The following NNT variants were observed in gnomAD, a reference collection of about 807,000 sequenced individuals.
NNT encodes NAD(P) transhydrogenase, mitochondrial.
In NNT, 50 loss-of-function variants were observed where a neutral mutation model predicts 104.8. That is an observed-to-expected ratio of 0.48 (90% CI 0.38 to 0.60). The LOEUF (loss-of-function observed/expected upper bound fraction) is 0.60, where lower values mean the gene tolerates loss of function less well. NNT is among the 20% of genes least tolerant of loss of function. The pLI, the probability that NNT is intolerant of heterozygous loss-of-function variation, is 0.00. For missense variants in NNT, 1,131 were observed against 1,330.7 expected (o/e 0.85, Z 2.33); for synonymous variants, 461 against 490.4 (o/e 0.94, Z 0.79).
At position 43,704,269 on chromosome 5, in the gene NNT, G is replaced by A. The variant is rs1406672551; in HGVS notation, c.3126G>A (p.Lys1042=). 7 of 1,580,826 alleles carry A rather than the reference G, an allele frequency of 4.4e-6. No homozygotes were observed. In the South Asian group the frequency reaches 8.2e-5, roughly 18 times the overall value. Residue 1042 remains lysine, a synonymous_variant, in exon 22 of 22, where the codon AAG becomes AAA. Transcript: ENST00000344920. The part of the protein sequence containing the change: ...VWKSKQVIVM[K]RSLGVGYAAV... Reference sequence around the variant, plus strand: ...CTGGTTCTCAGGTGATTGTTATGAAGAGGTCTTTGGGTGTTGGCTATGCTG... The same window carrying A: ...CTGGTTCTCAGGTGATTGTTATGAAAAGGTCTTTGGGTGTTGGCTATGCTG...
intron 17 of NNT, among the ~76,000 whole-genome samples, chr5:43,673,735 T>G (rs1222755419): frequency 6.6e-6 from 1 of 152,132 alleles, no homozygotes; most frequent in Admixed American, 6.5e-5. Flanking sequence ...AAGCATTTCT[T>G]TAGCTGGGCA....
chr5:43,632,466 T>C (rs952231420), intron 7 of NNT, among the ~76,000 whole-genome samples: 2 of 152,198 alleles, frequency 1.3e-5, no homozygotes, highest in African/African-American at 2.4e-5. Context: ...TTGGTGGTCT[T>C]GAAAAAACAA....
intron 12 of NNT, among the ~76,000 whole-genome samples, chr5:43,650,876 C>T (rs59750428): frequency 0.015 from 2,346 of 152,212 alleles, 62 homozygotes; most frequent in African/African-American, 0.049. Flanking sequence ...GAGCTATCAC[C>T]GTAACATCTA....
At chr5:43,608,650 G>C (rs1409780051) in intron 1 of NNT, among the ~76,000 whole-genome samples, 1 of 152,166 alleles carries the variant, frequency 6.6e-6, no homozygotes, top group Non-Finnish European at 1.5e-5. Flanking sequence ...GCACTGAACA[G>C]GATGTCAGAG....
intron 19 of NNT, among the ~76,000 whole-genome samples, chr5:43,699,474 C>T (rs1160526633): frequency 2.0e-5 from 3 of 151,796 alleles, no homozygotes; most frequent in Non-Finnish European, 4.4e-5. Context: ...CTGCCTCAGC[C>T]TCCTGAGTAG....
chr5:43,612,256 A>G (rs1354136571), intron 2 of NNT, among the ~76,000 whole-genome samples: 1 of 152,214 alleles, frequency 6.6e-6, no homozygotes, highest in Non-Finnish European at 1.5e-5. Context: ...GTCACTGGCC[A>G]ACATAGAGCG....
intron 7 of NNT, among the ~76,000 whole-genome samples, chr5:43,631,196 A>G (rs1750658836): frequency 6.6e-6 from 1 of 152,166 alleles, no homozygotes; most frequent in African/African-American, 2.4e-5. Flanking sequence ...GGCAGGGCTC[A>G]GGCAATGGGA....
chr5:43,677,915 C>A (rs10054154), intron 19 of NNT, 109 bp downstream of exon 19: 5 of 794,612 alleles, frequency 6.3e-6, no homozygotes, highest in Non-Finnish European at 1.0e-5. Context: ...ACTGACCCGC[C>A]CATACAATTA....
chr5:43,706,635 G>A lies in NNT; in HGVS notation c.*2231G>A, dbSNP rs1245884518. ...CCCATTACTGGGTATATACCCAAAG[G>A]ATTATAAATCATGCTGCTATAAAGA... On this transcript the variant is annotated 3_prime_UTR_variant, in exon 22 of 22. Coordinates refer to ENST00000344920, the MANE Select transcript of NNT (RefSeq NM_182977.3). 6.6e-6 allele frequency: 1 copy of A among 152,114 alleles called. No individual in the cohort carries two copies. The highest frequency in any genetic ancestry group is 1.9e-4 in the East Asian group (1 of 5,194). The allele number at this position is 152,114 out of a possible 1,614,324, so 9.4% of individuals were successfully genotyped here. A position where few individuals can be genotyped will look rare whatever the true frequency, so the allele number is the denominator to read the frequency against.
chr5:43,622,184 A>T (rs1216465623), intron 5 of NNT, among the ~76,000 whole-genome samples: 1 of 152,162 alleles, frequency 6.6e-6, no homozygotes, highest in Non-Finnish European at 1.5e-5. Flanking sequence ...TTTTATCTGG[A>T]TTAGGGATGA....
At chr5:43,682,421 G>T (rs570912381) in intron 19 of NNT, among the ~76,000 whole-genome samples, 16 of 152,182 alleles carry the variant, frequency 1.1e-4, no homozygotes, top group African/African-American at 3.4e-4. Context: ...ATGTTGGCCA[G>T]GCTGGTCTCA....
At chr5:43,647,737 T>G (rs934393927) in intron 10 of NNT, among the ~76,000 whole-genome samples, 1 of 152,206 alleles carries the variant, frequency 6.6e-6, no homozygotes, top group Non-Finnish European at 1.5e-5. Context: ...ATGATGTAAT[T>G]TTTATCATAG....
At position 43,701,917 on chromosome 5, in the gene NNT, A is replaced by C. The variant is rs1742869867; in HGVS notation, c.2996-704A>C. 2.6e-5 allele frequency among the ~76,000 whole-genome samples: 4 copies of C among 151,196 alleles called. No homozygotes were observed. The South Asian group carries it at 8.4e-4, about 32-fold the overall frequency. On this transcript the variant is annotated intron_variant, in intron 20 of 21. Coordinates refer to ENST00000344920, the MANE Select transcript of NNT (RefSeq NM_182977.3). ...GTTCATGTCTTTTGCCCAGTTTTTA[A>C]ATATTTTTTAAAATTTTTTTAAAAT...
At chr5:43,683,895 T>G (rs1305908441) in intron 19 of NNT, among the ~76,000 whole-genome samples, 1 of 152,176 alleles carries the variant, frequency 6.6e-6, no homozygotes, top group East Asian at 1.9e-4. Context: ...ATTCTGGGCC[T>G]GGTAGTTGGA....
At position 43,670,400 on chromosome 5, in the gene NNT, C is replaced by G. The variant is rs182987506; in HGVS notation, c.2635-5111C>G. On this transcript the variant is annotated intron_variant, in intron 17 of 21. Coordinates refer to ENST00000344920, the MANE Select transcript of NNT (RefSeq NM_182977.3). ...GGGTGTCAATTTTAGATCTTTTCTGCTTTCTCTTGTGGGCATTTAGTGCTA... is the reference window on the plus strand; with the variant it reads ...GGGTGTCAATTTTAGATCTTTTCTGGTTTCTCTTGTGGGCATTTAGTGCTA... 3.8e-3 allele frequency among the ~76,000 whole-genome samples: 576 copies of G among 152,290 alleles called. 8 individuals carry two copies. The highest frequency in any genetic ancestry group is 0.013 in the African/African-American group (548 of 41,548).
At chr5:43,667,880 C>T (rs1740800388) in intron 17 of NNT, among the ~76,000 whole-genome samples, 2 of 152,332 alleles carry the variant, frequency 1.3e-5, no homozygotes, top group Non-Finnish European at 2.9e-5. Flanking sequence ...TTTACAGTCC[C>T]ACCAACAGTG....
chr5:43,691,065 G>T (rs563883843), intron 19 of NNT, among the ~76,000 whole-genome samples: 172 of 128,842 alleles, frequency 1.3e-3, no homozygotes, highest in Middle Eastern at 8.6e-3. Flanking sequence ...GAATTTTTTT[G>T]AGAGAGTGTG....
chr5:43,684,634 C>A (rs998513421), intron 19 of NNT, among the ~76,000 whole-genome samples: 11 of 151,960 alleles, frequency 7.2e-5, no homozygotes, highest in African/African-American at 2.4e-4. Context: ...GGCCTTTTCA[C>A]TACCAAGGAT....
chr5:43,688,533 C>A (rs933777677), intron 19 of NNT, among the ~76,000 whole-genome samples: 1 of 151,988 alleles, frequency 6.6e-6, no homozygotes, highest in African/African-American at 2.4e-5. Context: ...TACACTGTAC[C>A]CAATGTGTAC....
Sources: allele counts gnomAD v4.1 joint callset (sites outside exome capture counted in the v4.1 genomes callset), GRCh38; gene constraint gnomAD v4.1.1; transcripts MANE v1.5; gene names NCBI Gene and HGNC (gene_info 2026-07-23, HGNC 2026-07-21).